DLG1: variants seen among roughly 807,000 people sequenced by gnomAD.
DLG1 encodes the protein discs large MAGUK scaffold protein 1, also known as disks large homolog 1.
In DLG1, 42 loss-of-function variants were observed where a neutral mutation model predicts 123.4. The ratio of observed to expected loss-of-function variants is 0.34; its 90% CI spans 0.27 to 0.44. The LOEUF (loss-of-function observed/expected upper bound fraction) is 0.44. Among genes scored for constraint, DLG1 ranks in the 20% least tolerant of loss-of-function variants. The pLI is 1.00. For missense variants in DLG1, 942 were observed against 1,082.6 expected, an observed-to-expected ratio of 0.87 and a Z score of 1.82; for synonymous variants, 317 against 356.2, an observed-to-expected ratio of 0.89 and a Z score of 1.24.
At chr3:197,268,723 A>AT (rs1356253171) in intron 4 of DLG1, among the ~76,000 whole-genome samples, 1 of 152,060 alleles carries the variant, frequency 6.6e-6, no homozygotes, top group African/African-American at 2.4e-5. Flanking sequence ...TATAAATTAA[A>AT]TTTTTTAACT....
intron 4 of DLG1, among the ~76,000 whole-genome samples, chr3:197,248,937 A>G (rs957829184): frequency 2.6e-5 from 4 of 152,126 alleles, no homozygotes; most frequent in Non-Finnish European, 4.4e-5. Flanking sequence ...AGGTATGATC[A>G]CTCCACTGCA....
At position 197,119,412 on chromosome 3, in the gene DLG1, T is replaced by C; in HGVS notation, c.1284A>G (p.Thr428=). 1.3e-6 allele frequency: 2 copies of C among 1,598,416 alleles called. No individual in the cohort carries two copies. The highest frequency in any genetic ancestry group is 1.7e-6 in the Non-Finnish European group (2 of 1,170,868). Residue 428 remains threonine (T), a splice_region_variant and synonymous_variant, in exon 12 of 25, where the codon ACA becomes ACG. Coordinates refer to ENST00000667157, the MANE Select transcript of DLG1 (RefSeq NM_001366207.1). ...AGGATAAATGTTAACTTCCTTACCT[T>C]GTAATTTCATCATCTCCAAGTACTG... is the stretch of plus-strand genomic sequence containing the variant. ...SKAVLGDDEI[T]REPRKVVLHR...
At chr3:197,290,681 A>G (rs1189676202) in intron 3 of DLG1, among the ~76,000 whole-genome samples, 1 of 152,038 alleles carries the variant, frequency 6.6e-6, no homozygotes, top group Non-Finnish European at 1.5e-5. Flanking sequence ...AGTGGCTCAC[A>G]CCTGTAATCC....
At chr3:197,290,897 TAAAAAA>T (rs34807556) in intron 3 of DLG1, among the ~76,000 whole-genome samples, 1 of 87,970 alleles carries the variant, frequency 1.1e-5, no homozygotes, top group Admixed American at 1.3e-4. Context: ...CTCCAAATAG[TAAAAAA>T]AAAAAAAAAA....
chr3:197,209,613 T>C (rs1730309082), intron 4 of DLG1, among the ~76,000 whole-genome samples: 1 of 146,780 alleles, frequency 6.8e-6, no homozygotes. Flanking sequence ...ACAGACCATA[T>C]GCTAGGCCAC....
intron 13 of DLG1, among the ~76,000 whole-genome samples, chr3:197,105,509 T>C (rs1325166093): frequency 6.6e-6 from 1 of 152,238 alleles, no homozygotes; most frequent in East Asian, 1.9e-4. Flanking sequence ...TTTAGAAATA[T>C]TAAAACAGCT....
intron 4 of DLG1, among the ~76,000 whole-genome samples, chr3:197,245,816 T>G (rs1412236945): frequency 6.7e-6 from 1 of 149,532 alleles, no homozygotes; most frequent in African/African-American, 2.4e-5. Context: ...TTTGTTTGGC[T>G]CTTTGGTCTG....
chr3:197,231,205 C>T (rs997868378), intron 4 of DLG1, among the ~76,000 whole-genome samples: 1 of 140,280 alleles, frequency 7.1e-6, no homozygotes, highest in South Asian at 2.6e-4. Flanking sequence ...TCTTAAATTA[C>T]GTGAAGAATT....
intron 4 of DLG1, among the ~76,000 whole-genome samples, chr3:197,278,375 C>T (rs2151112755): frequency 6.8e-6 from 1 of 146,690 alleles, no homozygotes; most frequent in Admixed American, 6.9e-5. Flanking sequence ...TAGGCTGAGG[C>T]AGGATGATCC....
chr3:197,061,352 T>C (rs566798467), intron 22 of DLG1, among the ~76,000 whole-genome samples: 48 of 152,246 alleles, frequency 3.2e-4, no homozygotes, highest in Non-Finnish European at 6.3e-4. Context: ...ACTCTTTCTA[T>C]ATATGTACAT....
chr3:197,226,725 T>G (rs1287797696), intron 4 of DLG1, among the ~76,000 whole-genome samples: 6 of 152,162 alleles, frequency 3.9e-5, no homozygotes, highest in Admixed American at 1.3e-4. Context: ...GGAAAAACAT[T>G]ACTGAACCAA....
chr3:197,249,932 T>C (rs189705023), intron 4 of DLG1, among the ~76,000 whole-genome samples: 30 of 152,168 alleles, frequency 2.0e-4, no homozygotes, highest in African/African-American at 7.2e-4. Context: ...AAGGGCCATA[T>C]ATAATAAACC....
At chr3:197,057,081 T>G (rs778645626) in intron 23 of DLG1, among the ~76,000 whole-genome samples, 2 of 134,856 alleles carry the variant, frequency 1.5e-5, no homozygotes, top group Non-Finnish European at 3.2e-5. Flanking sequence ...TACTGACTCT[T>G]TGTTTTTTTT....
chr3:197,103,422 A>C (rs1290974726), intron 14 of DLG1, among the ~76,000 whole-genome samples: 1 of 152,166 alleles, frequency 6.6e-6, no homozygotes, highest in Non-Finnish European at 1.5e-5. Flanking sequence ...GGAACCAGTG[A>C]CTGTAACTCG....
At chr3:197,153,387 A>C (rs1407137012) in intron 5 of DLG1, among the ~76,000 whole-genome samples, 1 of 152,208 alleles carries the variant, frequency 6.6e-6, no homozygotes, top group Non-Finnish European at 1.5e-5. Context: ...AACTGTAGTT[A>C]ATTTCAGTGA....
intron 4 of DLG1, among the ~76,000 whole-genome samples, chr3:197,236,633 G>A (rs1180084758): frequency 1.3e-5 from 2 of 152,158 alleles, no homozygotes; most frequent in East Asian, 1.9e-4. Context: ...ACTAGACCTA[G>A]TTTCAAAGGT....
chr3:197,175,074 C>T (rs1430088320), intron 5 of DLG1, among the ~76,000 whole-genome samples: 1 of 152,154 alleles, frequency 6.6e-6, no homozygotes, highest in Non-Finnish European at 1.5e-5. Context: ...TAAATAAATG[C>T]CTGGAGGGGC....
At chr3:197,082,353 G>C (rs1285534908) in intron 16 of DLG1, among the ~76,000 whole-genome samples, 3 of 151,904 alleles carry the variant, frequency 2.0e-5, no homozygotes, top group African/African-American at 7.3e-5. Flanking sequence ...CTGGGTGAAA[G>C]AGCAAGACTC....
intron 4 of DLG1, among the ~76,000 whole-genome samples, chr3:197,261,478 T>C (rs1222912364): frequency 6.6e-6 from 1 of 152,218 alleles, no homozygotes; most frequent in Non-Finnish European, 1.5e-5. Flanking sequence ...TTCTAACAAA[T>C]TTTTAATGCA....
Sources: gnomAD v4.1 joint callset for allele counts (sites outside exome capture counted in the v4.1 genomes callset) on GRCh38, gnomAD v4.1.1 for gene constraint, MANE v1.5 for transcripts, NCBI Gene and HGNC (gene_info 2026-07-23, HGNC 2026-07-21) for gene names.